Variants in KIAA1217 observed in about 807,000 individuals in gnomAD.
KIAA1217 encodes the protein KIAA1217.
Under a neutral mutation model 163.9 loss-of-function variants are expected in KIAA1217, and 88 were observed. The ratio of observed to expected loss-of-function variants is 0.54; its 90% CI spans 0.45 to 0.64. The LOEUF is 0.64. Among genes scored for constraint, KIAA1217 ranks in the 30% least tolerant of loss-of-function variants. The pLI, the probability that KIAA1217 is intolerant of heterozygous loss-of-function variation, is 0.00. For missense variants in KIAA1217, 2,372 were observed against 2,475.0 expected (o/e 0.96, Z 0.88); for synonymous variants, 903 against 923.1 (o/e 0.98, Z 0.39).
intron 1 of KIAA1217, among the ~76,000 whole-genome samples, chr10:23,951,280 A>G (rs1313979573): frequency 1.3e-5 from 2 of 152,176 alleles, no homozygotes; most frequent in Non-Finnish European, 2.9e-5. Context: ...GAGGAAGCAC[A>G]GCTTCTCCTA....
intron 1 of KIAA1217, among the ~76,000 whole-genome samples, chr10:23,888,541 G>T (rs911064287): frequency 6.6e-6 from 1 of 151,802 alleles, no homozygotes; most frequent in African/African-American, 2.4e-5. Flanking sequence ...CTTAGGATTT[G>T]GTTATAGAAA....
chr10:24,133,012 A>G (rs949209679), intron 2 of KIAA1217, among the ~76,000 whole-genome samples: 5 of 152,064 alleles, frequency 3.3e-5, no homozygotes, highest in Non-Finnish European at 7.4e-5. Flanking sequence ...GGTTGAAATC[A>G]GCCAGCAGGA....
At chr10:24,117,097 G>GCA in intron 2 of KIAA1217, among the ~76,000 whole-genome samples, 2 of 152,088 alleles carry the variant, frequency 1.3e-5, no homozygotes, top group South Asian at 4.2e-4. Context: ...GAGTGCAGTG[G>GCA]CTCAATCTCG....
intron 1 of KIAA1217, chr10:23,877,445 C>T (rs1281962601): frequency 6.6e-6 from 1 of 151,968 alleles, no homozygotes; most frequent in Non-Finnish European, 1.5e-5. Context: ...CTGTCCACCA[C>T]CCATGAGCAA....
chr10:24,509,286 G>A (rs1241050753), intron 9 of KIAA1217, among the ~76,000 whole-genome samples: 1 of 152,224 alleles, frequency 6.6e-6, no homozygotes, highest in Non-Finnish European at 1.5e-5. Context: ...GACTGGGAAA[G>A]CAGACAGAGA....
At chr10:24,293,500 A>G (rs2079320559) in intron 2 of KIAA1217, among the ~76,000 whole-genome samples, 1 of 152,240 alleles carries the variant, frequency 6.6e-6, no homozygotes, top group Non-Finnish European at 1.5e-5. Context: ...ACACACAGGA[A>G]ACAACAGATA....
At chr10:24,194,051 G>T (rs989501340) in intron 2 of KIAA1217, among the ~76,000 whole-genome samples, 6 of 152,032 alleles carry the variant, frequency 3.9e-5, no homozygotes, top group Non-Finnish European at 7.4e-5. Context: ...GCCAGATGTG[G>T]TGGCGCACAC....
In KIAA1217 at chr10:24,533,207, A is replaced by G. The variant is rs147607499; in HGVS notation, c.3384A>G (p.Glu1128=). 1.7e-3 allele frequency: 2,702 copies of G among 1,613,098 alleles called. 2 individuals are homozygous for G. Among genetic ancestry groups the G allele is most frequent in the Non-Finnish European group, 2.2e-3 (2,591 of 1,179,764 alleles). ...CAAAGGATGAGGAGGAAGAAGAAGA[A>G]GAAGGAGACAAAATAATGGCAGAAC... ...SSSKDEEEEE[E]EGDKIMAELQ... is the part of the protein sequence containing the mutation. The change falls in exon 16 of 21, where the codon GAA becomes GAG. Residue 1128 remains glutamate, a synonymous_variant. Transcript: ENST00000376454.
intron 1 of KIAA1217, among the ~76,000 whole-genome samples, chr10:23,872,412 C>G (rs1370931138): frequency 6.6e-6 from 1 of 152,004 alleles, no homozygotes; most frequent in Non-Finnish European, 1.5e-5. Flanking sequence ...AACAAACTAA[C>G]AAAAAACAGC....
intron 2 of KIAA1217, among the ~76,000 whole-genome samples, chr10:24,070,018 T>C (rs142060804): frequency 7.3e-4 from 111 of 152,278 alleles, no homozygotes; most frequent in African/African-American, 2.3e-3. Context: ...TTTTAATTTT[T>C]TTGTAGAGAT....
intron 2 of KIAA1217, among the ~76,000 whole-genome samples, chr10:24,378,668 T>C (rs1028547742): frequency 3.9e-5 from 6 of 151,914 alleles, no homozygotes; most frequent in Admixed American, 3.3e-4. Context: ...GATCACAGGG[T>C]ATCTGGCACA....
intron 2 of KIAA1217, among the ~76,000 whole-genome samples, chr10:24,018,123 C>T (rs756030924): frequency 6.6e-6 from 1 of 151,720 alleles, no homozygotes; most frequent in Non-Finnish European, 1.5e-5. Context: ...GCACCTTAAA[C>T]CCAAGCTTCA....
At chr10:24,151,056 T>C (rs2064587733) in intron 2 of KIAA1217, among the ~76,000 whole-genome samples, 1 of 152,042 alleles carries the variant, frequency 6.6e-6, no homozygotes, top group East Asian at 1.9e-4. Context: ...GAGACAAAGC[T>C]GGAGGAACAG....
intron 5 of KIAA1217, among the ~76,000 whole-genome samples, chr10:24,461,004 C>A (rs994666863): frequency 3.3e-5 from 5 of 152,140 alleles, no homozygotes; most frequent in Non-Finnish European, 5.9e-5. Flanking sequence ...TTGAGTAGCT[C>A]CATTGTGAGA....
intron 1 of KIAA1217, among the ~76,000 whole-genome samples, chr10:23,851,536 G>C (rs993398471): frequency 1.3e-5 from 2 of 152,210 alleles, no homozygotes; most frequent in Non-Finnish European, 2.9e-5. Context: ...CCAGTAAAGA[G>C]ATGGCTGGGT....
intron 9 of KIAA1217, among the ~76,000 whole-genome samples, chr10:24,505,079 T>C (rs1372768021): frequency 6.6e-6 from 1 of 152,082 alleles, no homozygotes; most frequent in Admixed American, 6.6e-5. Flanking sequence ...TAGGCACTGG[T>C]GACTCTAGAA....
At chr10:23,829,832 G>A (rs1209106756) in intron 1 of KIAA1217, among the ~76,000 whole-genome samples, 1 of 152,198 alleles carries the variant, frequency 6.6e-6, no homozygotes, top group Non-Finnish European at 1.5e-5. Flanking sequence ...AATATTTATA[G>A]TGAAGATATG....
At chr10:23,725,702 T>C (rs1397960464) in intron 1 of KIAA1217, among the ~76,000 whole-genome samples, 3 of 152,232 alleles carry the variant, frequency 2.0e-5, no homozygotes, top group Non-Finnish European at 2.9e-5. Flanking sequence ...ACAACACATG[T>C]CATTTTGCTT....
chr10:24,153,989 G>C (rs1198607077), intron 2 of KIAA1217, among the ~76,000 whole-genome samples: 1 of 146,328 alleles, frequency 6.8e-6, no homozygotes, highest in Non-Finnish European at 1.5e-5. Context: ...ACGGAGTCTC[G>C]CTCTGTCGCC....
Sources: allele counts gnomAD v4.1 joint callset (sites outside exome capture counted in the v4.1 genomes callset), GRCh38; gene constraint gnomAD v4.1.1; transcripts MANE v1.5; gene names NCBI Gene and HGNC (gene_info 2026-07-23, HGNC 2026-07-21).